SNX29: variants seen among roughly 807,000 people sequenced by gnomAD.
SNX29 encodes the protein sorting nexin 29.
A neutral mutation model predicts 102.1 loss-of-function variants in SNX29; 78 were observed. The ratio of observed to expected loss-of-function variants is 0.76; its 90% CI spans 0.64 to 0.92. The LOEUF is 0.92. Among genes scored for constraint, SNX29 ranks in the 40% least tolerant of loss-of-function variants. SNX29 has a pLI of 0.00. For synonymous variants in SNX29, 580 were observed against 414.5 expected (o/e 1.40, Z -4.85); for missense variants, 1,280 against 1,061.7 (o/e 1.21, Z -2.86).
At chr16:12,481,427 T>C (rs113976872) in intron 19 of SNX29, among the ~76,000 whole-genome samples, 8,803 of 148,290 alleles carry the variant, frequency 0.059, 390 homozygotes, top group African/African-American at 0.12. Flanking sequence ...CATACACACA[T>C]ATACACATAT....
chr16:12,216,601 G>T (rs529909989), intron 14 of SNX29, among the ~76,000 whole-genome samples: 13 of 152,148 alleles, frequency 8.5e-5, no homozygotes, highest in Non-Finnish European at 1.6e-4. Flanking sequence ...AGCCTGTACT[G>T]GGAAGCCTTA....
intron 14 of SNX29, among the ~76,000 whole-genome samples, chr16:12,274,264 A>G (rs2079177681): frequency 6.6e-6 from 1 of 152,150 alleles, no homozygotes; most frequent in South Asian, 2.1e-4. Context: ...GTTGCTGTTT[A>G]GAAACCCTAT....
intron 11 of SNX29, among the ~76,000 whole-genome samples, chr16:12,117,817 G>A (rs2053797120): frequency 6.6e-6 from 1 of 152,174 alleles, no homozygotes; most frequent in African/African-American, 2.4e-5. Context: ...TCAGTTTGGC[G>A]GGGCACGGTG....
At chr16:12,541,625 G>T (rs918329415) in intron 20 of SNX29, among the ~76,000 whole-genome samples, 4 of 152,122 alleles carry the variant, frequency 2.6e-5, no homozygotes, top group Admixed American at 6.5e-5. Flanking sequence ...TCTCTGTCGG[G>T]GTCCATCGCA....
intron 19 of SNX29, among the ~76,000 whole-genome samples, chr16:12,505,577 C>T (rs1199128005): frequency 6.6e-6 from 1 of 152,080 alleles, no homozygotes; most frequent in East Asian, 1.9e-4. Context: ...GGAAAATGGT[C>T]ACTATAGTGA....
chr16:12,212,657 C>A (rs184794542), intron 14 of SNX29, among the ~76,000 whole-genome samples: 2 of 152,168 alleles, frequency 1.3e-5, no homozygotes, highest in East Asian at 3.9e-4. Context: ...AATGTCTGTT[C>A]TTGTTTGCTT....
intron 3 of SNX29, among the ~76,000 whole-genome samples, chr16:12,026,185 G>C (rs975849881): frequency 1.3e-5 from 2 of 152,182 alleles, no homozygotes; most frequent in African/African-American, 4.8e-5. Context: ...TGCTGCCCTT[G>C]TCATATCCAG....
intron 18 of SNX29, among the ~76,000 whole-genome samples, chr16:12,428,371 C>T (rs944010615): frequency 2.6e-5 from 4 of 152,108 alleles, no homozygotes; most frequent in African/African-American, 9.7e-5. Flanking sequence ...AAGGTAAGAC[C>T]AGTCTTAGCT....
intron 7 of SNX29, among the ~76,000 whole-genome samples, chr16:12,049,078 G>C (rs1334487487): frequency 6.6e-6 from 1 of 152,176 alleles, no homozygotes; most frequent in African/African-American, 2.4e-5. Flanking sequence ...TGAAAGCCAA[G>C]CATAGACTGC....
At chr16:12,498,933 G>C (rs1394341567) in intron 19 of SNX29, among the ~76,000 whole-genome samples, 2 of 152,184 alleles carry the variant, frequency 1.3e-5, no homozygotes, top group Admixed American at 6.5e-5. Flanking sequence ...TCTGCTACTT[G>C]ATAGCAGAAG....
At chr16:12,347,472 G>A (rs991409105) in intron 15 of SNX29, among the ~76,000 whole-genome samples, 23 of 152,150 alleles carry the variant, frequency 1.5e-4, no homozygotes, top group African/African-American at 5.5e-4. Flanking sequence ...GAGCCTCCAT[G>A]CAGGCTCTGG....
At position 12,541,246 on chromosome 16, in the gene SNX29, A is replaced by G. The variant is rs190374187; in HGVS notation, c.2318+16405A>G. On this transcript the variant is annotated intron_variant, in intron 20 of 20. Coordinates refer to ENST00000566228, the MANE Select transcript of SNX29 (RefSeq NM_032167.5). ...GAGAAGGACTATGGAACCATGTATC[A>G]TATCTTATCAGGGAGAGAATGACAG... Among the ~76,000 whole-genome samples the G allele has an allele frequency of 3.0e-3, 459 of 152,272 alleles. 17 individuals are homozygous for G. Among genetic ancestry groups the G allele is most frequent in the Admixed American group, 0.025 (384 of 15,298 alleles).
At chr16:12,165,469 T>C (rs1473615599) in intron 13 of SNX29, among the ~76,000 whole-genome samples, 1 of 152,266 alleles carries the variant, frequency 6.6e-6, no homozygotes, top group Non-Finnish European at 1.5e-5. Context: ...GTCAATCCTT[T>C]AGTTTGAGTC....
At chr16:12,322,289 G>T (rs1242885582) in intron 15 of SNX29, among the ~76,000 whole-genome samples, 3 of 152,138 alleles carry the variant, frequency 2.0e-5, no homozygotes, top group South Asian at 2.1e-4. Context: ...GAGTCAGCTT[G>T]CCCAGAACTG....
intron 15 of SNX29, among the ~76,000 whole-genome samples, chr16:12,288,257 A>T (rs1018412393): frequency 3.3e-5 from 5 of 152,188 alleles, no homozygotes; most frequent in African/African-American, 4.8e-5. Context: ...CGTGGGTGCC[A>T]TGTCAGTTTA....
At chr16:12,248,757 C>G (rs1275381756) in intron 14 of SNX29, among the ~76,000 whole-genome samples, 1 of 151,798 alleles carries the variant, frequency 6.6e-6, no homozygotes, top group Non-Finnish European at 1.5e-5. Flanking sequence ...GTCATTTTAT[C>G]TAGAATGGCA....
At chr16:12,387,137 A>G (rs776729913) in intron 16 of SNX29, among the ~76,000 whole-genome samples, 7 of 149,990 alleles carry the variant, frequency 4.7e-5, no homozygotes, top group Non-Finnish European at 8.9e-5. Flanking sequence ...TAAAAAAATA[A>G]AAAAAAAAGA....
chr16:12,547,653 C>T (rs1567170202), intron 20 of SNX29, among the ~76,000 whole-genome samples: 1 of 152,124 alleles, frequency 6.6e-6, no homozygotes, highest in South Asian at 2.1e-4. Context: ...ATGATTCCCA[C>T]CCCAAGCACC....
intron 3 of SNX29, among the ~76,000 whole-genome samples, chr16:12,009,019 GGCATGA>G (rs897714513): frequency 5.3e-4 from 80 of 152,264 alleles, no homozygotes; most frequent in African/African-American, 1.7e-3. Context: ...TGGGATTACA[GGCATGA>G]GCCACTGCGC....
Sources: allele counts gnomAD v4.1 joint callset (sites outside exome capture counted in the v4.1 genomes callset), GRCh38; gene constraint gnomAD v4.1.1; transcripts MANE v1.5; gene names NCBI Gene and HGNC (gene_info 2026-07-23, HGNC 2026-07-21).